The following FGF14 variants were observed in gnomAD, a reference collection of about 807,000 sequenced individuals.
FGF14 encodes the protein fibroblast growth factor homologous factor 4.
A neutral mutation model predicts 25.5 loss-of-function variants in FGF14; 5 were observed. That is an observed-to-expected ratio of 0.20 (90% confidence interval 0.10 to 0.41). The LOEUF is 0.41. Ranked by LOEUF, FGF14 falls within the 10% of genes least tolerant of loss-of-function variation. The pLI, the probability that FGF14 is intolerant of heterozygous loss-of-function variation, is 1.00. For synonymous variants in FGF14, 138 were observed against 118.3 expected (o/e 1.17, Z -1.08); for missense variants, 222 against 320.1 (o/e 0.69, Z 2.34).
At chr13:101,967,304 T>C (rs1028914466) in intron 1 of FGF14, among the ~76,000 whole-genome samples, 8 of 152,174 alleles carry the variant, frequency 5.3e-5, no homozygotes, top group African/African-American at 1.7e-4. Flanking sequence ...TAATCTCAGA[T>C]AGATAATCCT....
intron 3 of FGF14, among the ~76,000 whole-genome samples, chr13:101,770,132 GT>G (rs1181487910): frequency 1.3e-5 from 2 of 150,850 alleles, no homozygotes; most frequent in African/African-American, 4.9e-5. Flanking sequence ...AAACATAAAA[GT>G]CTTTTTTTAA....
At chr13:101,725,361 CACTCATATTT>C (rs2035343428) in intron 4 of FGF14, among the ~76,000 whole-genome samples, 1 of 151,918 alleles carries the variant, frequency 6.6e-6, no homozygotes, top group Non-Finnish European at 1.5e-5. Context: ...GAGAATAATT[CACTCATATTT>C]CAGACTCTGG....
intron 1 of FGF14, among the ~76,000 whole-genome samples, chr13:102,049,027 T>G (rs192468391): frequency 7.2e-5 from 11 of 152,098 alleles, no homozygotes; most frequent in Non-Finnish European, 1.3e-4. Flanking sequence ...AAAATTATGA[T>G]ACGAAATAAA....
chr13:101,981,151 G>A (rs2038235823), intron 1 of FGF14, among the ~76,000 whole-genome samples: 3 of 148,820 alleles, frequency 2.0e-5, no homozygotes, highest in Admixed American at 6.7e-5. Flanking sequence ...ATGGTGGCAT[G>A]CACCTGTAAT....
intron 1 of FGF14, among the ~76,000 whole-genome samples, chr13:102,321,964 A>G (rs1177674659): frequency 6.6e-6 from 1 of 152,200 alleles, no homozygotes; most frequent in African/African-American, 2.4e-5. Context: ...GTCAGATCCA[A>G]GCCAGAGTGG....
intron 1 of FGF14, among the ~76,000 whole-genome samples, chr13:101,961,446 T>G (rs1421648023): frequency 6.6e-6 from 1 of 152,208 alleles, no homozygotes; most frequent in Admixed American, 6.5e-5. Context: ...AGATAGGGAA[T>G]TCTTTCCCCA....
intron 1 of FGF14, among the ~76,000 whole-genome samples, chr13:102,290,914 C>T (rs775612389): frequency 6.6e-6 from 1 of 152,130 alleles, no homozygotes; most frequent in Non-Finnish European, 1.5e-5. Flanking sequence ...TTTGTGAGAC[C>T]TACTCTGTGG....
intron 3 of FGF14, among the ~76,000 whole-genome samples, chr13:101,778,575 G>A (rs904242767): frequency 1.3e-5 from 2 of 152,088 alleles, no homozygotes; most frequent in African/African-American, 4.8e-5. Context: ...TATGGTCACT[G>A]GCTGTAACAT....
chr13:102,059,573 G>A (rs560326537), intron 1 of FGF14, among the ~76,000 whole-genome samples: 1 of 152,310 alleles, frequency 6.6e-6, no homozygotes, highest in Admixed American at 6.5e-5. Context: ...GATTAAAGCA[G>A]GGCACAGTGA....
intron 1 of FGF14, among the ~76,000 whole-genome samples, chr13:102,038,721 G>A (rs1194820780): frequency 6.6e-6 from 1 of 151,884 alleles, no homozygotes; most frequent in East Asian, 1.9e-4. Context: ...ATAAAATAAA[G>A]CCAACATATT....
chr13:102,032,900 T>G (rs1157618106), intron 1 of FGF14, among the ~76,000 whole-genome samples: 1 of 152,106 alleles, frequency 6.6e-6, no homozygotes, highest in Non-Finnish European at 1.5e-5. Flanking sequence ...CAGAGCTTTC[T>G]TCATGAAGCC....
chr13:102,005,042 G>A (rs1410674344), intron 1 of FGF14, among the ~76,000 whole-genome samples: 2 of 152,138 alleles, frequency 1.3e-5, no homozygotes, highest in Admixed American at 6.5e-5. Flanking sequence ...GCATTTATGT[G>A]GAGGCATCAA....
chr13:102,197,879 C>T (rs1416285647), intron 1 of FGF14, among the ~76,000 whole-genome samples: 1 of 152,180 alleles, frequency 6.6e-6, no homozygotes. Flanking sequence ...GTAGCCCACT[C>T]CTGATTTGAG....
chr13:101,738,885 A>G (rs1408026187), intron 3 of FGF14, among the ~76,000 whole-genome samples: 1 of 150,120 alleles, frequency 6.7e-6, no homozygotes, highest in African/African-American at 2.4e-5. Flanking sequence ...ACATACACCA[A>G]TTGCAGTGTG....
intron 1 of FGF14, among the ~76,000 whole-genome samples, chr13:102,346,644 A>G (rs1474920772): frequency 3.9e-5 from 6 of 152,168 alleles, no homozygotes; most frequent in Admixed American, 6.5e-5. Context: ...CACATAACAT[A>G]TGCATATATA....
At chr13:102,103,808 G>T (rs1231121644) in intron 1 of FGF14, among the ~76,000 whole-genome samples, 1 of 152,148 alleles carries the variant, frequency 6.6e-6, no homozygotes, top group Non-Finnish European at 1.5e-5. Context: ...ATAGAGTAAT[G>T]CAGAAGTCAC....
intron 1 of FGF14, among the ~76,000 whole-genome samples, chr13:102,210,308 T>C (rs115745477): frequency 0.013 from 1,910 of 152,140 alleles, 37 homozygotes; most frequent in African/African-American, 0.043. Flanking sequence ...AAAATTTCCA[T>C]ATGTTAAAGA....
chr13:102,129,939 A>T (rs149699870), intron 1 of FGF14, among the ~76,000 whole-genome samples: 2 of 152,310 alleles, frequency 1.3e-5, no homozygotes, highest in East Asian at 3.9e-4. Context: ...TCAGCAATAG[A>T]GTGTTACATT....
intron 3 of FGF14, among the ~76,000 whole-genome samples, chr13:101,837,285 C>T (rs1054618124): frequency 6.6e-6 from 1 of 151,906 alleles, no homozygotes; most frequent in African/African-American, 2.4e-5. Context: ...CATTATCTGT[C>T]CGATTTGCCA....
Sources: gnomAD v4.1 joint callset for allele counts (sites outside exome capture counted in the v4.1 genomes callset) on GRCh38, gnomAD v4.1.1 for gene constraint, MANE v1.5 for transcripts, NCBI Gene and HGNC (gene_info 2026-07-23, HGNC 2026-07-21) for gene names.